Variants in HDAC9 observed in about 807,000 individuals in gnomAD.
The protein encoded by HDAC9 is MEF-2 interacting transcription repressor (MITR) protein.
HDAC9 carries 41 observed loss-of-function variants against 139.4 expected under a neutral mutation model. The observed-to-expected ratio is 0.29, with a 90% CI of 0.23 to 0.38. The LOEUF is 0.38. Among genes scored for constraint, HDAC9 ranks in the 10% least tolerant of loss-of-function variants. HDAC9 has a pLI of 1.00. For synonymous variants in HDAC9, 517 were observed against 476.2 expected, an observed-to-expected ratio of 1.09 and a Z score of -1.12; for missense variants, 1,147 against 1,297.0, an observed-to-expected ratio of 0.88 and a Z score of 1.78.
chr7:18,307,342 G>A (rs560824155), intron 1 of HDAC9, among the ~76,000 whole-genome samples: 2 of 152,224 alleles, frequency 1.3e-5, no homozygotes, highest in South Asian at 4.2e-4. Flanking sequence ...GAAAGGTTCT[G>A]AATATGAGAA....
At chr7:18,334,346 G>A (rs1312383406) in intron 1 of HDAC9, among the ~76,000 whole-genome samples, 1 of 151,292 alleles carries the variant, frequency 6.6e-6, no homozygotes, top group African/African-American at 2.4e-5. Flanking sequence ...TTAGAGTCAG[G>A]AATTCATTAA....
chr7:18,495,351 A>G (rs925809136), upstream of HDAC9, among the ~76,000 whole-genome samples: 10 of 152,232 alleles, frequency 6.6e-5, no homozygotes, highest in Middle Eastern at 3.4e-3. Context: ...AAAAACACAT[A>G]CTACAAAAAT....
chr7:18,710,148 A>G (rs935518454), intron 12 of HDAC9, among the ~76,000 whole-genome samples: 2 of 152,200 alleles, frequency 1.3e-5, no homozygotes, highest in Non-Finnish European at 2.9e-5. Context: ...ATCAGATCTC[A>G]TGAGACTTAT....
chr7:18,271,574 T>C (rs1283913391), intron 2 of HDAC9, among the ~76,000 whole-genome samples: 1 of 152,210 alleles, frequency 6.6e-6, no homozygotes, highest in Non-Finnish European at 1.5e-5. Context: ...TTAGAAATGC[T>C]GCAGTCTTCC....
intron 24 of HDAC9, among the ~76,000 whole-genome samples, chr7:18,958,061 G>C (rs918050721): frequency 2.0e-5 from 3 of 152,064 alleles, no homozygotes; most frequent in Admixed American, 6.6e-5. Context: ...AGGTGCGTTG[G>C]CTCCTTGCCT....
At chr7:18,118,292 C>T (rs567492213) in intron 1 of HDAC9, among the ~76,000 whole-genome samples, 1 of 152,164 alleles carries the variant, frequency 6.6e-6, no homozygotes, top group Non-Finnish European at 1.5e-5. Flanking sequence ...TATTGTCAGT[C>T]CTTATGGTTC....
Position 18,559,043 on chromosome 7 carries a change from C to T in HDAC9, c.23-26238C>T, listed in dbSNP as rs543704879. Among the ~76,000 whole-genome samples, 4 of 152,236 alleles carry T rather than the reference C, an allele frequency of 2.6e-5. No homozygotes were observed. The East Asian group carries it at 5.8e-4, about 22-fold the overall frequency. ...TGTTTTGGACTGATGATTAAAGCTG[C>T]CTCTTTTTCTGGTGGATGCTTACCC... On this transcript the variant is annotated intron_variant, in intron 2 of 25. Coordinates refer to ENST00000686413, the MANE Select transcript of HDAC9 (RefSeq NM_178425.4).
chr7:18,682,060 G>C (rs149405626), intron 12 of HDAC9, among the ~76,000 whole-genome samples: 1 of 152,116 alleles, frequency 6.6e-6, no homozygotes, highest in South Asian at 2.1e-4. Context: ...AAAAGGAAAT[G>C]AAAACCTAAA....
Position 18,996,137 on chromosome 7 carries a change from T to A in HDAC9, c.*75T>A. 9.1e-7 allele frequency: 1 copy of A among 1,094,014 alleles called. No individual in the cohort carries two copies. Among genetic ancestry groups the A allele is most frequent in the Non-Finnish European group, 1.4e-6 (1 of 735,132 alleles). 67.8% of individuals were successfully genotyped at this position (1,094,014 alleles called of 1,614,324 possible). A position where few individuals can be genotyped will look rare whatever the true frequency, so the allele number is the denominator to read the frequency against. On this transcript the variant is annotated 3_prime_UTR_variant, in exon 26 of 26. Coordinates refer to ENST00000686413, the MANE Select transcript of HDAC9 (RefSeq NM_178425.4). ...CCCCCCACCCCAGTACCCTCAGACA[T>A]GTCTTGTCTGCTGCCTGGGTGGCAC...
intron 2 of HDAC9, among the ~76,000 whole-genome samples, chr7:18,174,330 A>G (rs1455259248): frequency 6.6e-6 from 1 of 152,046 alleles, no homozygotes; most frequent in Non-Finnish European, 1.5e-5. Context: ...TACACTGTTT[A>G]TTCTAGTGAG....
At chr7:18,433,762 A>G (rs761801469) in intron 1 of HDAC9, among the ~76,000 whole-genome samples, 1 of 152,248 alleles carries the variant, frequency 6.6e-6, no homozygotes, top group Non-Finnish European at 1.5e-5. Context: ...TGCTGAAAGA[A>G]GTCAGAGACA....
At chr7:18,386,242 C>T (rs1785921016) in intron 1 of HDAC9, among the ~76,000 whole-genome samples, 1 of 152,158 alleles carries the variant, frequency 6.6e-6, no homozygotes, top group African/African-American at 2.4e-5. Context: ...AACTTTCTGG[C>T]AGCCCCATAA....
At chr7:18,270,025 C>T (rs1310864175) in intron 2 of HDAC9, among the ~76,000 whole-genome samples, 4 of 151,978 alleles carry the variant, frequency 2.6e-5, no homozygotes, top group African/African-American at 7.3e-5. Flanking sequence ...CTGTTGTGTT[C>T]GTTATAGGAG....
intron 2 of HDAC9, among the ~76,000 whole-genome samples, chr7:18,215,652 CT>C (rs909098297): frequency 6.6e-6 from 1 of 152,132 alleles, no homozygotes; most frequent in African/African-American, 2.4e-5. Context: ...GCACTGCTCT[CT>C]TGTGACATAA....
At chr7:18,320,003 A>G (rs614556) in intron 1 of HDAC9, among the ~76,000 whole-genome samples, 151,533 of 152,340 alleles carry the variant, frequency 0.99, 75,371 homozygotes, top group Non-Finnish European at 1. Flanking sequence ...AACAATTCAC[A>G]AGGGGTGGTG....
chr7:18,992,261 T>C (rs555073842), intron 25 of HDAC9, among the ~76,000 whole-genome samples: 7 of 152,334 alleles, frequency 4.6e-5, no homozygotes, highest in Non-Finnish European at 1.0e-4. Flanking sequence ...GTGTCCATTA[T>C]TGGGAGAATG....
intron 1 of HDAC9, among the ~76,000 whole-genome samples, chr7:18,451,951 C>T (rs187018195): frequency 3.2e-4 from 48 of 152,192 alleles, no homozygotes; most frequent in African/African-American, 8.7e-4. Context: ...GTTCAGCCAT[C>T]GTTATGGTAG....
chr7:18,803,229 C>T (rs1296252206), intron 17 of HDAC9, among the ~76,000 whole-genome samples: 8 of 151,872 alleles, frequency 5.3e-5, no homozygotes, highest in Non-Finnish European at 1.2e-4. Context: ...TTCCCACCAA[C>T]AATACAAGAA....
chr7:18,661,888 G>T (rs980581943), intron 11 of HDAC9, among the ~76,000 whole-genome samples: 1 of 152,072 alleles, frequency 6.6e-6, no homozygotes, highest in Non-Finnish European at 1.5e-5. Flanking sequence ...TATATATACT[G>T]TCATATGCAT....
Sources: allele counts gnomAD v4.1 joint callset (sites outside exome capture counted in the v4.1 genomes callset), GRCh38; gene constraint gnomAD v4.1.1; transcripts MANE v1.5; gene names NCBI Gene and HGNC (gene_info 2026-07-23, HGNC 2026-07-21).